PACSIN1: variants seen among roughly 807,000 people sequenced by gnomAD.
PACSIN1 encodes protein kinase C and casein kinase substrate in neurons 1.
Under a neutral mutation model 59.5 loss-of-function variants are expected in PACSIN1, and 15 were observed. The ratio of observed to expected loss-of-function variants is 0.25; its 90% CI spans 0.17 to 0.39. The LOEUF is 0.39. Ranked by LOEUF, PACSIN1 falls within the 10% of genes least tolerant of loss-of-function variation. The pLI is 1.00. For synonymous variants in PACSIN1, 210 were observed against 220.6 expected (o/e 0.95, Z 0.42); for missense variants, 420 against 580.2 (o/e 0.72, Z 2.84).
At chr6:34,483,225 T>C (rs1766746224) in intron 1 of PACSIN1, among the ~76,000 whole-genome samples, 1 of 151,962 alleles carries the variant, frequency 6.6e-6, no homozygotes. Flanking sequence ...AGGCTGATCT[T>C]GAACTCCTGG....
chr6:34,523,704 G>T (rs996839625), intron 1 of PACSIN1, among the ~76,000 whole-genome samples: 1 of 152,206 alleles, frequency 6.6e-6, no homozygotes, highest in Non-Finnish European at 1.5e-5. Flanking sequence ...AGCAGGTACC[G>T]ACTGCCCTTC....
At chr6:34,470,127 G>A (rs1766550810) in intron 1 of PACSIN1, among the ~76,000 whole-genome samples, 1 of 152,124 alleles carries the variant, frequency 6.6e-6, no homozygotes, top group Non-Finnish European at 1.5e-5. Flanking sequence ...CCTTGGGTGT[G>A]AGGGGCTGCA....
In PACSIN1 at chr6:34,530,196, C is replaced by A; in HGVS notation, c.789-47C>A. ...GCCTCTCACCAAGGTTGAGGAGGGG[C>A]CATGTTGAATCTGTGCCCTCCACCT... On this transcript the variant is annotated intron_variant, in intron 6 of 9. Coordinates refer to ENST00000244458, the MANE Select transcript of PACSIN1 (RefSeq NM_020804.5). The surrounding 1 kb of genome is among the most constrained non-coding windows in gnomAD (Gnocchi z 4.4). 6.4e-7 allele frequency: 1 copy of A among 1,569,566 alleles called. No homozygotes were observed. The highest frequency in any genetic ancestry group is 8.7e-7 in the Non-Finnish European group (1 of 1,152,900).
At chr6:34,508,253 GCCA>G (rs1767145002) in intron 1 of PACSIN1, among the ~76,000 whole-genome samples, 1 of 151,948 alleles carries the variant, frequency 6.6e-6, no homozygotes, top group South Asian at 2.1e-4. Flanking sequence ...ACAGACATGC[GCCA>G]CCACACCTGG....
intron 1 of PACSIN1, among the ~76,000 whole-genome samples, chr6:34,473,018 A>G (rs1365819717): frequency 2.6e-5 from 4 of 152,086 alleles, no homozygotes; most frequent in African/African-American, 9.7e-5. Flanking sequence ...TCACACAGTA[A>G]GTGGCTGAGC....
At chr6:34,523,544 C>T (rs1172773553) in intron 1 of PACSIN1, among the ~76,000 whole-genome samples, 1 of 152,226 alleles carries the variant, frequency 6.6e-6, no homozygotes, top group Non-Finnish European at 1.5e-5. Context: ...CTGAGCTAGC[C>T]TCACAGCCAC....
chr6:34,492,195 CTTTT>C (rs55745060), intron 1 of PACSIN1, among the ~76,000 whole-genome samples: 4 of 80,180 alleles, frequency 5.0e-5, no homozygotes, highest in South Asian at 4.9e-4. Flanking sequence ...CTTTTTTGAC[CTTTT>C]TTTTTTTTTT....
chr6:34,483,001 C>CT (rs34111587), intron 1 of PACSIN1, among the ~76,000 whole-genome samples: 55,733 of 111,938 alleles, frequency 0.5, 14,312 homozygotes, highest in East Asian at 0.58. Flanking sequence ...CCATGTTTAA[C>CT]TTTTTTTTTT....
chr6:34,499,914 A>T (rs1767000194), intron 1 of PACSIN1, among the ~76,000 whole-genome samples: 1 of 152,294 alleles, frequency 6.6e-6, no homozygotes, highest in Admixed American at 6.5e-5. Flanking sequence ...AATAAATTGA[A>T]CTTCATTAAA....
chr6:34,485,843 C>T (rs554499255), intron 1 of PACSIN1, among the ~76,000 whole-genome samples: 1 of 152,266 alleles, frequency 6.6e-6, no homozygotes, highest in South Asian at 2.1e-4. Flanking sequence ...GGATTGGAGA[C>T]TGGCCATGGG....
At position 34,488,344 on chromosome 6, in the gene PACSIN1, A is replaced by C. The variant is rs568180183; in HGVS notation, c.-64+22074A>C. Among the ~76,000 whole-genome samples the C allele has an allele frequency of 8.5e-5, 13 of 152,284 alleles. No homozygotes were observed. In the East Asian group the frequency reaches 1.4e-3, roughly 16 times the overall value. On this transcript the variant is annotated intron_variant, in intron 1 of 9. Transcript: ENST00000244458. This position sits in a 1 kb window ranked among gnomAD's most constrained non-coding sequence, Gnocchi z 4.7. ...AGTGTGAGGCTTGTACAGAAGGCCC[A>C]AGTGGATGATCAGGGCCAGTTATTC...
intron 1 of PACSIN1, among the ~76,000 whole-genome samples, chr6:34,480,227 CTT>C (rs67633521): frequency 6.7e-5 from 9 of 133,600 alleles, no homozygotes; most frequent in Non-Finnish European, 9.5e-5. Context: ...TTCTTTCTTT[CTT>C]TTTTTTTTTT....
chr6:34,528,915 G>GGGC, intron 4 of PACSIN1, 38 bp downstream of exon 4: 15 of 653,168 alleles, frequency 2.3e-5, no homozygotes, highest in East Asian at 8.7e-5. Flanking sequence ...GGTGGGGTGG[G>GGGC]CCCGTCTGAT....
At chr6:34,491,352 T>TGTCCCTGCAGTGCG (rs1766873768) in intron 1 of PACSIN1, among the ~76,000 whole-genome samples, 1 of 152,152 alleles carries the variant, frequency 6.6e-6, no homozygotes, top group South Asian at 2.1e-4. Context: ...CGGGAGCTCT[T>TGTCCCTGCAGTGCG]GTCCCTGCAG....
rs1767596263 is a variant in PACSIN1, at chr6:34,531,671, G to C, written c.1109G>C (p.Gly370Ala). 1 of 1,613,852 alleles carries C rather than the reference G, an allele frequency of 6.2e-7. No homozygotes were observed. The highest frequency in any genetic ancestry group is 1.7e-5 in the Admixed American group (1 of 59,964). Residue 370 changes from glycine to alanine, a missense_variant, in exon 9 of 10, where the codon GGG becomes GCG. By Grantham distance (60) the Gly-to-Ala change is moderately conservative (BLOSUM62 0). Transcript: ENST00000244458. This position sits in a 1 kb window ranked among gnomAD's most constrained non-coding sequence, Gnocchi z 4.4. ...GACGACGAGAGTGGGAACCCCTTTG[G>C]GGGCAGTGAGACCAACGGGGGCGCC... The part of the protein sequence containing the change: ...WSDDESGNPF[G>A]GSETNGGANP...
At chr6:34,524,192 G>A (rs2127271600) in intron 1 of PACSIN1, among the ~76,000 whole-genome samples, 1 of 152,256 alleles carries the variant, frequency 6.6e-6, no homozygotes, top group East Asian at 1.9e-4. Context: ...GTAGAGAGTG[G>A]TCTCAGCCAT....
At chr6:34,481,720 G>A (rs75119755) in intron 1 of PACSIN1, among the ~76,000 whole-genome samples, 1,683 of 151,886 alleles carry the variant, frequency 0.011, 41 homozygotes, top group East Asian at 0.094. Context: ...GTGTGAAGAT[G>A]TTCTACGTTC....
rs1309186385 is a variant in PACSIN1 at position 34,530,504 on chromosome 6, A to G, written c.954A>G (p.Lys318=). Residue 318 remains lysine (K), a synonymous_variant, in exon 8 of 10, where the codon AAA becomes AAG. Coordinates refer to ENST00000244458, the MANE Select transcript of PACSIN1 (RefSeq NM_020804.5). This position sits in a 1 kb window ranked among gnomAD's most constrained non-coding sequence, Gnocchi z 4.4. ...CTCACACCACCACCAAGAAGGAGAA[A>G]CAGCCTAAGAAGGCAGAGGGAGTGG... is the stretch of plus-strand genomic sequence containing the variant. The part of the protein sequence containing the change: ...DLPHTTTKKE[K]QPKKAEGVAL... 21 of 1,609,234 alleles carry G rather than the reference A, an allele frequency of 1.3e-5. No homozygotes were observed. Among genetic ancestry groups the G allele is most frequent in the South Asian group, 1.1e-5 (1 of 90,598 alleles).
At position 34,531,649 on chromosome 6, in the gene PACSIN1, G is replaced by A; in HGVS notation, c.1087G>A (p.Asp363Asn). ...GQPYATEWSD[D>N]ESGNPFGGSE... ...GCCCTACGCCACCGAGTGGTCAGACGACGAGAGTGGGAACCCCTTTGGGGG... is the reference window on the plus strand; with the variant it reads ...GCCCTACGCCACCGAGTGGTCAGACAACGAGAGTGGGAACCCCTTTGGGGG... Residue 363 changes from aspartate (D) to asparagine (N), a missense_variant, in exon 9 of 10, where the codon GAC (aspartate) becomes AAC (asparagine). Physicochemically the swap from Asp to Asn is conservative, Grantham distance 23. Coordinates refer to ENST00000244458, the MANE Select transcript of PACSIN1 (RefSeq NM_020804.5). This position sits in a 1 kb window ranked among gnomAD's most constrained non-coding sequence, Gnocchi z 4.4. 1 of 1,614,006 alleles carries A rather than the reference G, an allele frequency of 6.2e-7. No individual in the cohort carries two copies. The highest frequency in any genetic ancestry group is 8.5e-7 in the Non-Finnish European group (1 of 1,180,012).
Sources: allele counts gnomAD v4.1 joint callset (sites outside exome capture counted in the v4.1 genomes callset), GRCh38; gene constraint gnomAD v4.1.1; non-coding constraint Gnocchi (gnomAD v3.1); transcripts MANE v1.5; gene names NCBI Gene and HGNC (gene_info 2026-07-23, HGNC 2026-07-21).